The following CCDC73 variants were observed in gnomAD, a reference collection of about 807,000 sequenced individuals.
CCDC73 encodes coiled-coil domain-containing protein 73.
CCDC73 carries 95 observed loss-of-function variants against 116.5 expected under a neutral mutation model. That is an observed-to-expected ratio of 0.82 (90% CI 0.69 to 0.97). CCDC73 has a LOEUF of 0.97. Ranked by LOEUF, CCDC73 falls within the 50% of genes least tolerant of loss-of-function variation. The probability of loss-of-function intolerance (pLI) is 0.00; values close to 1 mark genes in which losing one functional copy is unlikely to be tolerated. For synonymous variants in CCDC73, 398 were observed against 401.3 expected (o/e 0.99, Z 0.10); for missense variants, 1,066 against 1,206.8 (o/e 0.88, Z 1.73).
At chr11:32,775,165 G>A (rs1455560748) in intron 1 of CCDC73, among the ~76,000 whole-genome samples, 1 of 152,192 alleles carries the variant, frequency 6.6e-6, no homozygotes, top group Non-Finnish European at 1.5e-5. Context: ...TTGGGAGCCA[G>A]TGTTGTCACT....
At chr11:32,655,115 G>C in intron 9 of CCDC73, 143 bp from the exon 10 acceptor site, 1 of 93,840 alleles carries the variant, frequency 1.1e-5, no homozygotes, top group Non-Finnish European at 2.1e-5. Flanking sequence ...TGCAAGATTA[G>C]CCAAGGTGGG....
chr11:32,778,351 T>C (rs1433033523), intron 1 of CCDC73, among the ~76,000 whole-genome samples: 1 of 152,236 alleles, frequency 6.6e-6, no homozygotes, highest in Non-Finnish European at 1.5e-5. Flanking sequence ...TGGATGTTTT[T>C]AAAATATGTA....
rs1030260035 is a variant in CCDC73, at chr11:32,718,237, A to G, written c.136-90T>C. ...CTTTCTGGAGAGATATAGAAATAGC[A>G]TACTCCCACCTTTACAACAAGAAAA... On this transcript the variant is annotated intron_variant, in intron 2 of 17. Coordinates refer to ENST00000335185, the MANE Select transcript of CCDC73 (RefSeq NM_001008391.4). The G allele has an allele frequency of 2.0e-5, 16 of 786,604 alleles. No individual in the cohort carries two copies. The South Asian group carries it at 2.4e-4, about 12-fold the overall frequency. The allele number at this position is 786,604 out of a possible 1,614,324, so 48.7% of individuals were successfully genotyped here.
Position 32,624,328 on chromosome 11 carries a change from C to A in CCDC73, c.1186-8199G>T, listed in dbSNP as rs146690632. 1.9e-3 allele frequency among the ~76,000 whole-genome samples: 291 copies of A among 151,774 alleles called. 1 individual carries two copies. The highest frequency in any genetic ancestry group is 6.9e-3 in the African/African-American group (283 of 41,262). ...ACACTCCAGCCTGAGAGCAAGACTC[C>A]ATCTCCAAATAAAAAATAAAAAAAT... On this transcript the variant is annotated intron_variant, in intron 14 of 17. Coordinates refer to ENST00000335185, the MANE Select transcript of CCDC73 (RefSeq NM_001008391.4).
intron 14 of CCDC73, among the ~76,000 whole-genome samples, chr11:32,626,305 C>A (rs2133233229): frequency 6.6e-6 from 1 of 151,796 alleles, no homozygotes; most frequent in Non-Finnish European, 1.5e-5. Flanking sequence ...AACTACAAAC[C>A]ACTGCTCAAG....
At chr11:32,725,932 T>A (rs1850026758) in intron 2 of CCDC73, among the ~76,000 whole-genome samples, 1 of 152,092 alleles carries the variant, frequency 6.6e-6, no homozygotes, top group Non-Finnish European at 1.5e-5. Flanking sequence ...CTGGCAAATA[T>A]CCTAGAATTT....
intron 3 of CCDC73, among the ~76,000 whole-genome samples, chr11:32,717,488 C>T (rs946349356): frequency 3.3e-5 from 5 of 152,026 alleles, no homozygotes; most frequent in Non-Finnish European, 5.9e-5. Flanking sequence ...TTCACAGTGC[C>T]GTATCAAAAA....
intron 3 of CCDC73, 118 bp downstream of exon 3, chr11:32,717,958 A>T: frequency 1.5e-6 from 1 of 654,200 alleles, no homozygotes; most frequent in Non-Finnish European, 2.6e-6. Context: ...GCATGGGGAA[A>T]CTGCCCAAAT....
At chr11:32,660,982 A>G (rs774419264) in intron 9 of CCDC73, among the ~76,000 whole-genome samples, 2 of 152,198 alleles carry the variant, frequency 1.3e-5, no homozygotes, top group Non-Finnish European at 2.9e-5. Context: ...AGAAAAAGAA[A>G]CATCATGCAG....
chr11:32,605,245 T>C (rs1340745450), intron 17 of CCDC73: 1 of 151,518 alleles, frequency 6.6e-6, no homozygotes, highest in African/African-American at 2.4e-5. Flanking sequence ...TTTGGATTGC[T>C]CTGTTTGGCT....
chr11:32,805,730 C>T, the CCDC73 span, among the ~76,000 whole-genome samples: 1 of 152,074 alleles, frequency 6.6e-6, no homozygotes, highest in Non-Finnish European at 1.5e-5. Flanking sequence ...GAGACCTAGA[C>T]CAGTCTTGGG....
At chr11:32,799,802 C>T in the CCDC73 span, among the ~76,000 whole-genome samples, 37 of 152,178 alleles carry the variant, frequency 2.4e-4, no homozygotes, top group South Asian at 6.0e-3. Context: ...CTTATATGCA[C>T]GAAGTAAATG....
chr11:32,658,787 A>C (rs1855896498), intron 9 of CCDC73, among the ~76,000 whole-genome samples: 1 of 152,160 alleles, frequency 6.6e-6, no homozygotes, highest in Admixed American at 6.5e-5. Context: ...CTAAAAAAAA[A>C]TATAATAGAC....
At chr11:32,701,458 T>C (rs989488733) in intron 4 of CCDC73, among the ~76,000 whole-genome samples, 2 of 152,128 alleles carry the variant, frequency 1.3e-5, no homozygotes, top group East Asian at 1.9e-4. Context: ...CCCAATACTT[T>C]GGGAAGCTGA....
chr11:32,752,428 C>T (rs536890004), intron 2 of CCDC73, among the ~76,000 whole-genome samples: 2 of 152,288 alleles, frequency 1.3e-5, no homozygotes, highest in African/African-American at 4.8e-5. Flanking sequence ...AAAATATAAA[C>T]TGTTCAGACT....
chr11:32,641,828 T>G, intron 13 of CCDC73, 144 bp downstream of exon 13: 3 of 603,630 alleles, frequency 5.0e-6, no homozygotes, highest in Non-Finnish European at 7.2e-6. Context: ...AGCATTCACC[T>G]TTTTGGAAAT....
At chr11:32,609,902 T>C (rs1004407640) in intron 17 of CCDC73, among the ~76,000 whole-genome samples, 4 of 151,614 alleles carry the variant, frequency 2.6e-5, no homozygotes, top group Non-Finnish European at 5.9e-5. Context: ...GCCTCAGCCT[T>C]CCGAGTAGGT....
At chr11:32,721,943 T>C (rs113335461) in intron 2 of CCDC73, among the ~76,000 whole-genome samples, 1,569 of 152,220 alleles carry the variant, frequency 0.01, 26 homozygotes, top group African/African-American at 0.036. Context: ...TACATACACA[T>C]ATATACACTT....
intron 2 of CCDC73, among the ~76,000 whole-genome samples, chr11:32,748,042 G>C (rs904848053): frequency 6.6e-6 from 1 of 152,238 alleles, no homozygotes; most frequent in African/African-American, 2.4e-5. Context: ...CTCCCTGGGA[G>C]CTGTAGACCG....
Sources: gnomAD v4.1 joint callset for allele counts (sites outside exome capture counted in the v4.1 genomes callset) on GRCh38, gnomAD v4.1.1 for gene constraint, MANE v1.5 for transcripts, NCBI Gene and HGNC (gene_info 2026-07-23, HGNC 2026-07-21) for gene names.